The following CLYBL variants were observed in gnomAD, a reference collection of about 807,000 sequenced individuals.
CLYBL encodes citramalyl-CoA lyase, also known as citramalyl-CoA lyase, mitochondrial.
A neutral mutation model predicts 38.9 loss-of-function variants in CLYBL; 31 were observed. The observed-to-expected ratio is 0.80, with a 90% confidence interval of 0.60 to 1.08. CLYBL has a LOEUF of 1.08. CLYBL is among the 50% of genes least tolerant of loss of function. The probability of loss-of-function intolerance (pLI) is 0.00; values close to 1 mark genes in which losing one functional copy is unlikely to be tolerated. For missense variants in CLYBL, 434 were observed against 411.6 expected, an observed-to-expected ratio of 1.05 and a Z score of -0.47; for synonymous variants, 171 against 158.6, an observed-to-expected ratio of 1.08 and a Z score of -0.59.
At chr13:99,614,082 G>A (rs757484764) in intron 1 of CLYBL, among the ~76,000 whole-genome samples, 4 of 152,090 alleles carry the variant, frequency 2.6e-5, no homozygotes, top group Non-Finnish European at 5.9e-5. Context: ...GATGAAGACG[G>A]GTACTTATTA....
chr13:99,787,014 A>T (rs2049810287), intron 2 of CLYBL, among the ~76,000 whole-genome samples: 1 of 151,514 alleles, frequency 6.6e-6, no homozygotes, highest in Admixed American at 6.6e-5. Flanking sequence ...TCTTTTGAGA[A>T]TTGTCTGTTC....
chr13:99,835,008 AAC>A (rs1566346686), intron 2 of CLYBL, among the ~76,000 whole-genome samples: 1 of 152,156 alleles, frequency 6.6e-6, no homozygotes, highest in Admixed American at 6.5e-5. Flanking sequence ...CCCTCTTCCT[AAC>A]ACACACAGTG....
chr13:99,695,719 A>G (rs897277948), intron 1 of CLYBL, among the ~76,000 whole-genome samples: 1 of 152,030 alleles, frequency 6.6e-6, no homozygotes, highest in Non-Finnish European at 1.5e-5. Flanking sequence ...AGATTTCACC[A>G]TGTTGGCCAG....
chr13:99,866,158 A>T, intron 5 of CLYBL, 82 bp from the exon 6 acceptor site: 1 of 1,357,868 alleles, frequency 7.4e-7, no homozygotes, highest in Admixed American at 2.0e-5. Context: ...AGATATCTGT[A>T]CAAACTGAGG....
intron 1 of CLYBL, among the ~76,000 whole-genome samples, chr13:99,725,813 C>T (rs941932036): frequency 6.6e-6 from 1 of 152,148 alleles, no homozygotes; most frequent in Non-Finnish European, 1.5e-5. Flanking sequence ...GCGTAAATCC[C>T]CTTTCCTTTT....
intron 2 of CLYBL, among the ~76,000 whole-genome samples, chr13:99,808,694 T>G (rs959012379): frequency 6.6e-6 from 1 of 152,206 alleles, no homozygotes; most frequent in Non-Finnish European, 1.5e-5. Flanking sequence ...GTAATCAATT[T>G]TGTTTATAAA....
chr13:99,890,037 C>G (rs1210752131), intron 7 of CLYBL, among the ~76,000 whole-genome samples: 1 of 152,190 alleles, frequency 6.6e-6, no homozygotes, highest in African/African-American at 2.4e-5. Context: ...TCATCGTAAG[C>G]AGCAAAAGGA....
intron 1 of CLYBL, among the ~76,000 whole-genome samples, chr13:99,750,663 G>C (rs2048938212): frequency 6.9e-6 from 1 of 145,142 alleles, no homozygotes; most frequent in Admixed American, 7.0e-5. Context: ...GAAAGAAGGA[G>C]ACTCTGCCTC....
chr13:99,607,572 C>A (rs879357313), intron 1 of CLYBL, among the ~76,000 whole-genome samples: 1 of 152,152 alleles, frequency 6.6e-6, no homozygotes, highest in Non-Finnish European at 1.5e-5. Flanking sequence ...CGTGCACATA[C>A]ATGGTCTCAT....
At chr13:99,628,020 A>G (rs1476505071) in intron 1 of CLYBL, among the ~76,000 whole-genome samples, 5 of 152,206 alleles carry the variant, frequency 3.3e-5, no homozygotes, top group African/African-American at 1.2e-4. Flanking sequence ...AACTTCATAT[A>G]AATGCAGAGG....
In CLYBL at chr13:99,745,751, C is replaced by T. The variant is rs185912344; in HGVS notation, c.63-27073C>T. ...GATCACAGCTTGTATTCACAGCTTT[C>T]GTGTGTGTGGTATGGGTCTGGCAAT... On this transcript the variant is annotated intron_variant, in intron 1 of 8. Transcript: ENST00000339105. 2.2e-3 allele frequency among the ~76,000 whole-genome samples: 330 copies of T among 152,208 alleles called. 1 individual carries two copies. The highest frequency in any genetic ancestry group is 7.7e-3 in the African/African-American group (320 of 41,558).
At chr13:99,759,505 C>T (rs2073390748) in intron 1 of CLYBL, among the ~76,000 whole-genome samples, 1 of 152,108 alleles carries the variant, frequency 6.6e-6, no homozygotes, top group Admixed American at 6.5e-5. Flanking sequence ...GGTGAGGCAA[C>T]AAGTTAACAG....
intron 1 of CLYBL, among the ~76,000 whole-genome samples, chr13:99,763,548 C>CTTTT (rs59409196): frequency 3.4e-5 from 4 of 116,100 alleles, no homozygotes; most frequent in African/African-American, 6.6e-5. Context: ...TCTTTTTATT[C>CTTTT]TTTTTTTTTT....
chr13:99,622,307 A>G (rs9585151), intron 1 of CLYBL, among the ~76,000 whole-genome samples: 2,059 of 152,336 alleles, frequency 0.014, 48 homozygotes, highest in African/African-American at 0.046. Context: ...TTTGGGGGCC[A>G]TTATTCTGCA....
intron 7 of CLYBL, among the ~76,000 whole-genome samples, chr13:99,874,078 G>A (rs954295296): frequency 6.6e-6 from 1 of 152,174 alleles, no homozygotes; most frequent in Admixed American, 6.5e-5. Context: ...GCTTGGCACC[G>A]TAGTCCAGTA....
At chr13:99,685,308 G>A (rs934114277) in intron 1 of CLYBL, among the ~76,000 whole-genome samples, 1 of 152,168 alleles carries the variant, frequency 6.6e-6, no homozygotes, top group Admixed American at 6.5e-5. Context: ...CCTATTATGT[G>A]TATTCCAGAA....
chr13:99,648,601 T>G (rs1401380253), intron 1 of CLYBL, among the ~76,000 whole-genome samples: 1 of 152,238 alleles, frequency 6.6e-6, no homozygotes, highest in Non-Finnish European at 1.5e-5. Context: ...GGCAGCCAGA[T>G]GTGCTAACAG....
rs936447564 is a variant in CLYBL at position 99,871,696 on chromosome 13, G to C, written c.927+634G>C. On this transcript the variant is annotated intron_variant, in intron 7 of 8. Coordinates refer to ENST00000339105, the MANE Select transcript of CLYBL (RefSeq NM_206808.5). ...ATATTGCAGTGGTAATGCACAATCT[G>C]TCTCCACTTTGTGCCAGTAACACTT... 3.3e-5 allele frequency among the ~76,000 whole-genome samples: 5 copies of C among 152,292 alleles called. No homozygotes were observed. In the East Asian group the frequency reaches 9.6e-4, roughly 29 times the overall value.
At chr13:99,706,078 C>T (rs1273681914) in intron 1 of CLYBL, among the ~76,000 whole-genome samples, 1 of 151,964 alleles carries the variant, frequency 6.6e-6, no homozygotes, top group African/African-American at 2.4e-5. Flanking sequence ...ATTACAGGCT[C>T]GTGCCGTCAT....
Sources: gnomAD v4.1 joint callset for allele counts (sites outside exome capture counted in the v4.1 genomes callset) on GRCh38, gnomAD v4.1.1 for gene constraint, MANE v1.5 for transcripts, NCBI Gene and HGNC (gene_info 2026-07-23, HGNC 2026-07-21) for gene names.